The following GLDC variants were observed in gnomAD, a reference collection of about 807,000 sequenced individuals.
The protein encoded by GLDC is glycine decarboxylase.
In GLDC, 104 loss-of-function variants were observed where a neutral mutation model predicts 121.3. That is an observed-to-expected ratio of 0.86 (90% confidence interval 0.73 to 1.01). The LOEUF (loss-of-function observed/expected upper bound fraction) is 1.01, where lower values mean the gene tolerates loss of function less well. Among genes scored for constraint, GLDC ranks in the 50% least tolerant of loss-of-function variants. The probability of loss-of-function intolerance (pLI) is 0.00; values close to 1 mark genes in which losing one functional copy is unlikely to be tolerated. For missense variants in GLDC, 1,429 were observed against 1,306.6 expected (o/e 1.09, Z -1.44); for synonymous variants, 546 against 480.6 (o/e 1.14, Z -1.78).
intron 2 of GLDC, among the ~76,000 whole-genome samples, chr9:6,632,106 A>T (rs914026200): frequency 6.6e-6 from 1 of 152,196 alleles, no homozygotes; most frequent in Admixed American, 6.5e-5. Flanking sequence ...CCAACCGAGA[A>T]TCACACCAAG....
At chr9:6,625,928 G>A (rs866209958) in intron 2 of GLDC, among the ~76,000 whole-genome samples, 5 of 152,120 alleles carry the variant, frequency 3.3e-5, no homozygotes, top group Non-Finnish European at 5.9e-5. Flanking sequence ...GGAAAGTCAT[G>A]GAGGTGATAG....
At chr9:6,614,323 C>T (rs905641836) in intron 3 of GLDC, among the ~76,000 whole-genome samples, 1 of 152,134 alleles carries the variant, frequency 6.6e-6, no homozygotes, top group African/African-American at 2.4e-5. Flanking sequence ...CAACCTCCAC[C>T]TCCTGGGCTC....
In GLDC at chr9:6,644,473, A is replaced by C; in HGVS notation, c.334+141T>G. The C allele has an allele frequency of 1.1e-5, 8 of 696,316 alleles. No individual in the cohort carries two copies. The South Asian group carries it at 1.2e-4, about 11-fold the overall frequency. 43.1% of individuals were successfully genotyped at this position (696,316 alleles called of 1,614,324 possible). ...ATATCCCACCTTCCCGCGGCTCCGG[A>C]GGTACCCGCCACTGTTTTATTTTAA... On this transcript the variant is annotated intron_variant, in intron 2 of 24. Transcript: ENST00000321612.
intron 2 of GLDC, among the ~76,000 whole-genome samples, chr9:6,625,407 A>G (rs749575230): frequency 2.0e-5 from 3 of 152,218 alleles, no homozygotes; most frequent in Non-Finnish European, 4.4e-5. Flanking sequence ...GAAAAATAAT[A>G]TTATAGTAGT....
In GLDC at chr9:6,621,062, T is replaced by C. The variant is rs375290897; in HGVS notation, c.335-743A>G. The stretch of plus-strand genomic sequence containing the variant: ...GTTCACACCTGTGGTCCCAGATTCT[T>C]GGGAGGCTGAGGTGGAAGGATCACA... On this transcript the variant is annotated intron_variant, in intron 2 of 24. Coordinates refer to ENST00000321612, the MANE Select transcript of GLDC (RefSeq NM_000170.3). Among the ~76,000 whole-genome samples, 26 of 152,200 alleles carry C rather than the reference T, an allele frequency of 1.7e-4. No homozygotes were observed. In the East Asian group the frequency reaches 4.4e-3, roughly 26 times the overall value.
intron 15 of GLDC, among the ~76,000 whole-genome samples, chr9:6,578,072 GC>G (rs2129801265): frequency 6.6e-6 from 1 of 151,796 alleles, no homozygotes; most frequent in South Asian, 2.1e-4. Context: ...ACGCCACTGT[GC>G]CCAGCTACTT....
At chr9:6,599,734 A>AC (rs1807473937) in intron 8 of GLDC, among the ~76,000 whole-genome samples, 1 of 150,594 alleles carries the variant, frequency 6.6e-6, no homozygotes, top group African/African-American at 2.5e-5. Context: ...AAAAAAAAAA[A>AC]CAACCAAAAA....
At chr9:6,575,620 A>G (rs898767245) in intron 15 of GLDC, among the ~76,000 whole-genome samples, 1 of 152,206 alleles carries the variant, frequency 6.6e-6, no homozygotes, top group Non-Finnish European at 1.5e-5. Flanking sequence ...GGGAAAAGCA[A>G]TGGCCACCTC....
chr9:6,596,747 T>C (rs1037358944), intron 8 of GLDC, among the ~76,000 whole-genome samples: 5 of 152,178 alleles, frequency 3.3e-5, no homozygotes, highest in African/African-American at 9.7e-5. Context: ...GTAACAAGCA[T>C]TGGTGAAAAT....
chr9:6,542,825 G>T (rs970382156), intron 21 of GLDC, among the ~76,000 whole-genome samples: 15 of 147,318 alleles, frequency 1.0e-4, no homozygotes, highest in African/African-American at 3.5e-4. Context: ...GGTCAAGGCT[G>T]CAGTGAGCCG....
intron 6 of GLDC, 46 bp downstream of exon 6, chr9:6,605,085 G>A: frequency 6.5e-7 from 1 of 1,539,254 alleles, no homozygotes; most frequent in Non-Finnish European, 9.0e-7. Context: ...ACAGATACAA[G>A]TTGGGATACG....
intron 11 of GLDC, 186 bp downstream of exon 11, chr9:6,591,957 G>A (rs1818383799): frequency 1.6e-6 from 1 of 625,598 alleles, no homozygotes; most frequent in Non-Finnish European, 2.9e-6. Context: ...AATACTGGCT[G>A]GAGCCCTACA....
At chr9:6,639,409 T>A in intron 2 of GLDC, 1 of 924,868 alleles carries the variant, frequency 1.1e-6, no homozygotes, top group Non-Finnish European at 1.8e-6. Flanking sequence ...ATGAAGAAGA[T>A]GGAAGACAAC....
intron 21 of GLDC, chr9:6,541,826 C>CAAAAAAAAAAAAAAAAAAAAAAAAAAAAA (rs58987224): frequency 1.9e-5 from 1 of 51,750 alleles, no homozygotes; most frequent in Non-Finnish European, 3.2e-5. Flanking sequence ...GACTTCATCT[C>CAAAAAAAAAAAAAAAAAAAAAAAAAAAAA]AAAAAAAAAA....
chr9:6,596,308 G>A (rs971888856), intron 8 of GLDC, among the ~76,000 whole-genome samples: 2 of 152,114 alleles, frequency 1.3e-5, no homozygotes, highest in African/African-American at 2.4e-5. Context: ...TATATCACAC[G>A]GCTGAACAAC....
intron 16 of GLDC, among the ~76,000 whole-genome samples, chr9:6,560,695 G>A (rs1409439823): frequency 6.6e-6 from 1 of 152,206 alleles, no homozygotes; most frequent in Non-Finnish European, 1.5e-5. Flanking sequence ...TACCAGGTGA[G>A]TTCTGTTGAA....
chr9:6,579,903 C>G (rs1414895639), intron 15 of GLDC, among the ~76,000 whole-genome samples: 1 of 152,190 alleles, frequency 6.6e-6, no homozygotes, highest in African/African-American at 2.4e-5. Context: ...CTCCATTCAC[C>G]CTTAGGGCTG....
At chr9:6,610,806 C>T (rs112900907) in intron 3 of GLDC, among the ~76,000 whole-genome samples, 207 of 152,274 alleles carry the variant, frequency 1.4e-3, no homozygotes, top group African/African-American at 4.8e-3. Context: ...TGTCATGTTA[C>T]CCAAGCTGGT....
chr9:6,600,851 CT>C (rs566083671), intron 8 of GLDC, among the ~76,000 whole-genome samples: 40 of 152,270 alleles, frequency 2.6e-4, no homozygotes, highest in Middle Eastern at 3.4e-3. Context: ...ACCCAGGAAG[CT>C]CTTCCTGTTT....
Sources: gnomAD v4.1 joint callset for allele counts (sites outside exome capture counted in the v4.1 genomes callset) on GRCh38, gnomAD v4.1.1 for gene constraint, MANE v1.5 for transcripts, NCBI Gene and HGNC (gene_info 2026-07-23, HGNC 2026-07-21) for gene names.